Variants in RPGRIP1 observed in about 807,000 individuals in gnomAD.
RPGRIP1 encodes the protein X-linked retinitis pigmentosa GTPase regulator-interacting protein 1.
RPGRIP1 carries 128 observed loss-of-function variants against 157.9 expected under a neutral mutation model. The ratio of observed to expected loss-of-function variants is 0.81; its 90% confidence interval spans 0.70 to 0.94. The LOEUF is 0.94. RPGRIP1 is among the 40% of genes least tolerant of loss of function. The probability of loss-of-function intolerance (pLI) is 0.00; values close to 1 mark genes in which losing one functional copy is unlikely to be tolerated. For missense variants in RPGRIP1, 1,486 were observed against 1,545.8 expected, an observed-to-expected ratio of 0.96 and a Z score of 0.65; for synonymous variants, 554 against 571.6, an observed-to-expected ratio of 0.97 and a Z score of 0.44.
chr14:21,333,876 C>T (rs975917008), intron 20 of RPGRIP1, among the ~76,000 whole-genome samples: 5 of 151,550 alleles, frequency 3.3e-5, no homozygotes, highest in Admixed American at 6.6e-5. Flanking sequence ...CAAGGTCAGT[C>T]GCATTGTAAG....
chr14:21,346,021 G>A (rs191351841), intron 23 of RPGRIP1, among the ~76,000 whole-genome samples: 12 of 152,200 alleles, frequency 7.9e-5, no homozygotes, highest in Admixed American at 5.9e-4. Flanking sequence ...GTTTTGCCAT[G>A]TTGGCCAGGC....
At position 21,311,903 on chromosome 14, in the gene RPGRIP1, G is replaced by T. The variant is rs1335721755; in HGVS notation, c.1010G>T (p.Ser337Ile). Residue 337 changes from serine to isoleucine, a missense_variant, in exon 9 of 25, where the codon AGC (serine) becomes ATC (isoleucine). Ser to Ile is a moderately radical substitution (Grantham distance 142, BLOSUM62 -2). Transcript: ENST00000400017. ...CTCAGGGCAGAGCTGAAGGAAGAAAGCAAGAAGGCTGTGAGCTTGAAGAGC... is the reference window on the plus strand; with the variant it reads ...CTCAGGGCAGAGCTGAAGGAAGAAATCAAGAAGGCTGTGAGCTTGAAGAGC... ...NELRAELKEESKKAVSLKSQL... is the reference protein window; with the variant it reads ...NELRAELKEEIKKAVSLKSQL... 11 of 1,612,862 alleles carry T rather than the reference G, an allele frequency of 6.8e-6. No homozygotes were observed. The highest frequency in any genetic ancestry group is 1.3e-5 in the African/African-American group (1 of 74,884).
At chr14:21,344,245 T>A (rs2139344787) in intron 22 of RPGRIP1, among the ~76,000 whole-genome samples, 1 of 152,308 alleles carries the variant, frequency 6.6e-6, no homozygotes, top group East Asian at 1.9e-4. Flanking sequence ...TATATTTCTT[T>A]ACACGTATTT....
At chr14:21,304,370 G>A (rs541696282) in intron 6 of RPGRIP1, among the ~76,000 whole-genome samples, 3 of 131,022 alleles carry the variant, frequency 2.3e-5, no homozygotes, top group African/African-American at 8.5e-5. Flanking sequence ...AAGGAAGGAA[G>A]GGAGGGAGGA....
intron 1 of RPGRIP1, among the ~76,000 whole-genome samples, chr14:21,281,525 C>T (rs1381067208): frequency 6.6e-6 from 1 of 151,498 alleles, no homozygotes; most frequent in African/African-American, 2.4e-5. Flanking sequence ...CCTGTCTCTA[C>T]TAAGAATAGA....
rs770896902 is a variant in RPGRIP1 at position 21,303,307 on chromosome 14, T to C, written c.588-24T>C. ...ATTCTAAACTCCTGTAACAACAGTT[T>C]CTAAGTATCCTTTTTGTATTTAGTG... On this transcript the variant is annotated intron_variant, in intron 5 of 24. Transcript: ENST00000400017. 1.5e-5 allele frequency: 23 copies of C among 1,563,994 alleles called. No homozygotes were observed. The South Asian group carries it at 2.6e-4, about 18-fold the overall frequency.
chr14:21,290,531 G>T (rs1263854302), intron 2 of RPGRIP1, among the ~76,000 whole-genome samples: 1 of 152,098 alleles, frequency 6.6e-6, no homozygotes, highest in East Asian at 1.9e-4. Flanking sequence ...AAAAGTTAAG[G>T]CCGGGCACGG....
In RPGRIP1 at chr14:21,307,806, GA is replaced by G. The variant is rs1881380445; in HGVS notation, c.877del (p.Thr293GlnfsTer5). The G allele has an allele frequency of 6.4e-7, 1 of 1,564,912 alleles. No individual in the cohort carries two copies. On this transcript the variant is annotated frameshift_variant, in exon 7 of 25. Coordinates refer to ENST00000400017, the MANE Select transcript of RPGRIP1 (RefSeq NM_020366.4). LOFTEE classifies it high-confidence loss of function. ...LHERNASLVM[T>X]KAQLTEVQEA... ...ATGAAAGAAATGCTTCATTGGTTAT[GA>G]CAAAAGCACAATTAACAGAAGTTCA...
chr14:21,286,566 A>G (rs567647038), intron 1 of RPGRIP1, among the ~76,000 whole-genome samples: 1 of 151,106 alleles, frequency 6.6e-6, no homozygotes, highest in East Asian at 2.0e-4. Context: ...AGGCTGAGGC[A>G]GGCAGATCAC....
In RPGRIP1 at chr14:21,321,412, A is replaced by AAGATGGTACAGGAAGGGGAT; in HGVS notation, c.1611+11_1611+30dup. The AAGATGGTACAGGAAGGGGAT allele has an allele frequency of 6.2e-7, 1 of 1,607,614 alleles. No homozygotes were observed. Among genetic ancestry groups the AAGATGGTACAGGAAGGGGAT allele is most frequent in the African/African-American group, 1.3e-5 (1 of 74,680 alleles). On this transcript the variant is annotated intron_variant, in intron 13 of 24. Coordinates refer to ENST00000400017, the MANE Select transcript of RPGRIP1 (RefSeq NM_020366.4). ...CAACGTGTGTTATCAGGTGCAAGGA[A>AAGATGGTACAGGAAGGGGAT]AGATGGTACAGGAAGGGGATGGATA...
At position 21,301,174 on chromosome 14, in the gene RPGRIP1, G is replaced by A. The variant is rs766604917; in HGVS notation, c.427G>A (p.Val143Ile). ...CAGCCCCCGCCGCGCCCAGCCTCGC[G>A]TCCAAGTGGGACACAGACAGCTCCA... ...PASPRRAQPR[V>I]QVGHRQLHTA... Residue 143 changes from valine to isoleucine, a missense_variant, in exon 4 of 25, where the codon GTC (valine) becomes ATC (isoleucine). Physicochemically the swap from Val to Ile is conservative, Grantham distance 29. Coordinates refer to ENST00000400017, the MANE Select transcript of RPGRIP1 (RefSeq NM_020366.4). 4.4e-6 allele frequency: 7 copies of A among 1,594,970 alleles called. No individual in the cohort carries two copies. In the East Asian group the frequency reaches 1.6e-4, roughly 36 times the overall value.
chr14:21,324,116 G>T, intron 14 of RPGRIP1: 1 of 177,654 alleles, frequency 5.6e-6, no homozygotes, highest in Non-Finnish European at 1.2e-5. Flanking sequence ...ATTCTGAACA[G>T]AATGAAAGAT....
chr14:21,347,550 G>C (rs1326730350), intron 23 of RPGRIP1, among the ~76,000 whole-genome samples: 1 of 152,124 alleles, frequency 6.6e-6, no homozygotes, highest in Non-Finnish European at 1.5e-5. Context: ...GCTTTTAAAA[G>C]CTTGAATTTT....
chr14:21,343,297 C>T (rs1885209009), intron 22 of RPGRIP1, 69 bp downstream of exon 22: 2 of 1,253,594 alleles, frequency 1.6e-6, no homozygotes, highest in South Asian at 1.4e-5. Context: ...GTCAGAATTA[C>T]TCTGGATTTT....
At chr14:21,326,336 C>G (rs1883102946) in intron 17 of RPGRIP1, among the ~76,000 whole-genome samples, 163 bp downstream of exon 17, 1 of 152,184 alleles carries the variant, frequency 6.6e-6, no homozygotes, top group African/African-American at 2.4e-5. Flanking sequence ...AGACTTAGAG[C>G]CTCACTACTT....
rs774208576 is a variant in RPGRIP1 at position 21,321,340 on chromosome 14, T to C, written c.1549T>C (p.Leu517=). ...GCAAGTATCACACGCAGAGACCACA[T>C]TGGAACTAGAAAAGACCAGGGACAT... ...ELQVSHAETT[L]ELEKTRDMLI... The change falls in exon 13 of 25, where the codon TTG becomes CTG. Residue 517 remains leucine (L), a synonymous_variant. Transcript: ENST00000400017. 25 of 1,613,864 alleles carry C rather than the reference T, an allele frequency of 1.5e-5. No individual in the cohort carries two copies. Among genetic ancestry groups the C allele is most frequent in the South Asian group, 1.2e-4 (11 of 91,046 alleles).
At chr14:21,326,535 A>G (rs1368238552) in intron 17 of RPGRIP1, among the ~76,000 whole-genome samples, 1 of 151,878 alleles carries the variant, frequency 6.6e-6, no homozygotes, top group Non-Finnish European at 1.5e-5. Flanking sequence ...ACACCCGGCT[A>G]ATTTTTGTAT....
chr14:21,310,786 T>G (rs1370933339), intron 8 of RPGRIP1, 179 bp downstream of exon 8: 1 of 678,650 alleles, frequency 1.5e-6, no homozygotes, highest in East Asian at 2.8e-5. Context: ...TACAGATACT[T>G]ATTGCACTGT....
chr14:21,301,104 C>T lies in RPGRIP1; in HGVS notation c.357C>T (p.Pro119=), dbSNP rs778462930. The T allele has an allele frequency of 5.0e-6, 8 of 1,611,046 alleles. No homozygotes were observed. The highest frequency in any genetic ancestry group is 1.3e-5 in the African/African-American group (1 of 75,014). The stretch of plus-strand genomic sequence containing the variant: ...AGCGCCTCTCCATGCACCAGCGCCC[C>T]CAGATGCACCGACTGCAAGGGCATT... ...WRQRLSMHQR[P]QMHRLQGHFH... is the part of the protein sequence containing the mutation. Residue 119 remains proline, a synonymous_variant, in exon 4 of 25, where the codon CCC becomes CCT. Coordinates refer to ENST00000400017, the MANE Select transcript of RPGRIP1 (RefSeq NM_020366.4).
Sources: allele counts gnomAD v4.1 joint callset (sites outside exome capture counted in the v4.1 genomes callset), GRCh38; gene constraint gnomAD v4.1.1; transcripts MANE v1.5; gene names NCBI Gene and HGNC (gene_info 2026-07-23, HGNC 2026-07-21).